The following AGK variants were observed in gnomAD, a reference collection of about 807,000 sequenced individuals.
AGK encodes the protein acylglycerol kinase, mitochondrial.
In AGK, 52 loss-of-function variants were observed where a neutral mutation model predicts 66.4. That is an observed-to-expected ratio of 0.78 (90% CI 0.63 to 0.99). AGK has a LOEUF of 0.99. Among genes scored for constraint, AGK ranks in the 50% least tolerant of loss-of-function variants. The pLI is 0.00. For missense variants in AGK, 451 were observed against 506.6 expected (o/e 0.89, Z 1.05); for synonymous variants, 182 against 181.1 (o/e 1.00, Z -0.04).
intron 2 of AGK, among the ~76,000 whole-genome samples, chr7:141,568,358 G>A (rs562484434): frequency 3.3e-5 from 5 of 152,218 alleles, no homozygotes; most frequent in Admixed American, 2.0e-4. Flanking sequence ...CCTTGTCCTC[G>A]CTCTTCCCAG....
chr7:141,570,280 G>A (rs879868439), intron 2 of AGK, among the ~76,000 whole-genome samples: 11 of 151,736 alleles, frequency 7.2e-5, no homozygotes, highest in East Asian at 1.9e-4. Flanking sequence ...CCAGCTACTC[G>A]GGAGGCTGAG....
rs528143883 is a variant in AGK, at chr7:141,633,883, A to G, written c.589-18A>G. On this transcript the variant is annotated intron_variant, in intron 9 of 15. Coordinates refer to ENST00000649286, the MANE Select transcript of AGK (RefSeq NM_018238.4). ...TGATTATAGTCATGAATTTAAATGA[A>G]ATGTATTTAACTTCCAGGGTGAAAA... 22 of 1,605,084 alleles carry G rather than the reference A, an allele frequency of 1.4e-5. No individual in the cohort carries two copies. Among genetic ancestry groups the G allele is most frequent in the Non-Finnish European group, 1.9e-5 (22 of 1,171,882 alleles).
intron 6 of AGK, among the ~76,000 whole-genome samples, chr7:141,613,866 A>G (rs537701143): frequency 3.9e-5 from 6 of 152,198 alleles, no homozygotes; most frequent in Non-Finnish European, 7.4e-5. Context: ...TACCCATTTT[A>G]TAGAACTTAA....
intron 2 of AGK, among the ~76,000 whole-genome samples, chr7:141,572,661 A>G (rs1795630503): frequency 6.6e-6 from 1 of 152,120 alleles, no homozygotes; most frequent in Non-Finnish European, 1.5e-5. Flanking sequence ...GAAGGAGAGG[A>G]AGGTAGTAGA....
intron 2 of AGK, among the ~76,000 whole-genome samples, chr7:141,563,071 C>T (rs1011252942): frequency 6.6e-6 from 1 of 152,154 alleles, no homozygotes; most frequent in African/African-American, 2.4e-5. Flanking sequence ...TGGGGAATCA[C>T]GGTTTTTCGT....
In AGK at chr7:141,598,416, G is replaced by A. The variant is rs1796273244; in HGVS notation, c.221+1775G>A. ...TGAAGATAACAGAGAACTCAGCCTG[G>A]GTCTGGGAGTTTGAGGAATCTGGTC... On this transcript the variant is annotated intron_variant, in intron 4 of 15. Coordinates refer to ENST00000649286, the MANE Select transcript of AGK (RefSeq NM_018238.4). The surrounding 1 kb of genome is among the most constrained non-coding windows in gnomAD (Gnocchi z 4.2). 6.6e-6 allele frequency among the ~76,000 whole-genome samples: 1 copy of A among 152,134 alleles called. No individual in the cohort carries two copies. Among genetic ancestry groups the A allele is most frequent in the Non-Finnish European group, 1.5e-5 (1 of 68,022 alleles).
intron 11 of AGK, among the ~76,000 whole-genome samples, chr7:141,640,282 A>C (rs1294957760): frequency 3.9e-5 from 6 of 152,100 alleles, no homozygotes; most frequent in African/African-American, 1.4e-4. Flanking sequence ...CCACCACAAG[A>C]AGCTAATTTT....
At chr7:141,570,170 G>A (rs1296205184) in intron 2 of AGK, among the ~76,000 whole-genome samples, 1 of 151,996 alleles carries the variant, frequency 6.6e-6, no homozygotes, top group African/African-American at 2.4e-5. Flanking sequence ...GGCGGATCAC[G>A]AGGTCAGGAG....
At chr7:141,554,637 G>A (rs576930127) in intron 1 of AGK, among the ~76,000 whole-genome samples, 1 of 152,234 alleles carries the variant, frequency 6.6e-6, no homozygotes, top group Non-Finnish European at 1.5e-5. Context: ...TTACTCTCAT[G>A]GAGTTTACAT....
chr7:141,551,946 G>A (rs1795099190), intron 1 of AGK, among the ~76,000 whole-genome samples: 1 of 152,140 alleles, frequency 6.6e-6, no homozygotes, highest in African/African-American at 2.4e-5. Context: ...GTCAAATTCA[G>A]TATCTCCTAA....
chr7:141,575,999 A>G (rs1237546943), intron 2 of AGK, among the ~76,000 whole-genome samples: 6 of 152,154 alleles, frequency 3.9e-5, no homozygotes, highest in African/African-American at 7.2e-5. Flanking sequence ...CTTGCTAACT[A>G]TGAACTTGAC....
At chr7:141,574,705 C>T (rs979164142) in intron 2 of AGK, among the ~76,000 whole-genome samples, 3 of 152,148 alleles carry the variant, frequency 2.0e-5, no homozygotes, top group Admixed American at 6.5e-5. Context: ...GGAGAGGGAA[C>T]AAATTGTGTG....
At chr7:141,613,294 AAT>A (rs1796635066) in intron 6 of AGK, among the ~76,000 whole-genome samples, 1 of 152,184 alleles carries the variant, frequency 6.6e-6, no homozygotes, top group African/African-American at 2.4e-5. Context: ...ATTGGAGGGA[AAT>A]ATATCAAATA....
intron 9 of AGK, among the ~76,000 whole-genome samples, chr7:141,626,474 A>C (rs748867762): frequency 4.6e-5 from 7 of 152,240 alleles, no homozygotes; most frequent in Non-Finnish European, 7.3e-5. Flanking sequence ...TAATAATTTA[A>C]AAGGGAAAAA....
rs1402573073 is a variant in AGK, at chr7:141,654,304, A to ATGAATGTGATTT, written c.*1381_*1392dup. On this transcript the variant is annotated 3_prime_UTR_variant, in exon 16 of 16. Transcript: ENST00000649286. ...AATTAGTTCATTTATCCAAGAATAC[A>ATGAATGTGATTT]TGAATGTGATTTACAGCTGAGATGG... The ATGAATGTGATTT allele has an allele frequency of 3.9e-5, 6 of 152,220 alleles. No homozygotes were observed. The highest frequency in any genetic ancestry group is 1.4e-4 in the African/African-American group (6 of 41,448). The allele number at this position is 152,220 out of a possible 1,614,324, so 9.4% of individuals were successfully genotyped here.
At chr7:141,636,298 T>G (rs933562772) in intron 10 of AGK, among the ~76,000 whole-genome samples, 8 of 152,208 alleles carry the variant, frequency 5.3e-5, no homozygotes, top group Non-Finnish European at 7.3e-5. Flanking sequence ...GAGCATGCAG[T>G]GTTTGCATCT....
At position 141,587,067 on chromosome 7, in the gene AGK, G is replaced by A. The variant is rs370031885; in HGVS notation, c.102-6079G>A. ...ATAGACAGACCCAGAACTAAGCTCA[G>A]TTTCCTCTCTCTCACACTTGCACTT... On this transcript the variant is annotated intron_variant, in intron 2 of 15. Transcript: ENST00000649286. Among the ~76,000 whole-genome samples the A allele has an allele frequency of 3.1e-3, 469 of 152,306 alleles. 18 individuals are homozygous for A. The South Asian group carries it at 0.094, about 31-fold the overall frequency.
intron 10 of AGK, among the ~76,000 whole-genome samples, chr7:141,636,604 A>C (rs983942393): frequency 6.6e-6 from 1 of 152,180 alleles, no homozygotes; most frequent in Admixed American, 6.5e-5. Flanking sequence ...CGGGACTTGA[A>C]CATCTGCAGA....
chr7:141,603,365 C>T (rs1391412067), intron 5 of AGK, among the ~76,000 whole-genome samples: 4 of 152,024 alleles, frequency 2.6e-5, no homozygotes, highest in African/African-American at 7.2e-5. Context: ...TCTTACATTT[C>T]GACCCTGTCA....
Sources: gnomAD v4.1 joint callset for allele counts (sites outside exome capture counted in the v4.1 genomes callset) on GRCh38, gnomAD v4.1.1 for gene constraint, Gnocchi (gnomAD v3.1) non-coding constraint, MANE v1.5 for transcripts, NCBI Gene and HGNC (gene_info 2026-07-23, HGNC 2026-07-21) for gene names.